COG3: variants seen among roughly 807,000 people sequenced by gnomAD.
COG3 encodes the protein conserved oligomeric Golgi complex subunit 3.
Under a neutral mutation model 114.1 loss-of-function variants are expected in COG3, and 32 were observed. The observed-to-expected ratio is 0.28, with a 90% CI of 0.21 to 0.38. The LOEUF is 0.38. Among genes scored for constraint, COG3 ranks in the 10% least tolerant of loss-of-function variants. The pLI is 1.00. For missense variants in COG3, 813 were observed against 973.2 expected (o/e 0.84, Z 2.19); for synonymous variants, 352 against 365.7 (o/e 0.96, Z 0.43).
chr13:45,483,334 C>T lies in COG3; in HGVS notation c.822C>T (p.Leu274=), dbSNP rs1251191782. ...ATACTGTGAACACACTACAGACCCT[C>T]ACAAGTCAGTTACTGAAAAGGGTGA... ...KTYTVNTLQT[L]TSQLLKRDPS... The change falls in exon 7 of 23, where the codon CTC becomes CTT. Residue 274 remains leucine (L), a synonymous_variant. Coordinates refer to ENST00000349995, the MANE Select transcript of COG3 (RefSeq NM_031431.4). 1.9e-6 allele frequency: 3 copies of T among 1,581,762 alleles called. No homozygotes were observed. The highest frequency in any genetic ancestry group is 2.6e-6 in the Non-Finnish European group (3 of 1,165,152).
chr13:45,482,976 T>TG (rs1202196830), intron 6 of COG3, among the ~76,000 whole-genome samples: 3 of 152,222 alleles, frequency 2.0e-5, no homozygotes, highest in Admixed American at 1.3e-4. Flanking sequence ...TTGAAGTCTG[T>TG]GGGGTGCTGA....
intron 15 of COG3, 126 bp from the exon 16 acceptor site, chr13:45,511,639 C>G (rs1046888874): frequency 1.5e-5 from 10 of 665,688 alleles, no homozygotes; most frequent in Non-Finnish European, 2.3e-5. Flanking sequence ...AAGAATAATA[C>G]AAGTAGTAAA....
rs1057473500 is a variant in COG3 at position 45,491,529 on chromosome 13, C to T, written c.1086C>T (p.His362=). ...TAACCAGCCAAAATAATAGAGATCA[C>T]TGTGCCTTGGTAAGTTTCTACTTGT... The part of the protein sequence containing the change: ...AELTSQNNRD[H]CALVRSGCAF... The change falls in exon 10 of 23, where the codon CAC becomes CAT. Residue 362 remains histidine (H), a synonymous_variant. Transcript: ENST00000349995. 1.2e-6 allele frequency: 2 copies of T among 1,610,516 alleles called. No individual in the cohort carries two copies. Among genetic ancestry groups the T allele is most frequent in the Non-Finnish European group, 8.5e-7 (1 of 1,178,802 alleles).
chr13:45,470,195 T>A (rs1885391556), intron 1 of COG3, among the ~76,000 whole-genome samples: 1 of 152,216 alleles, frequency 6.6e-6, no homozygotes, highest in Non-Finnish European at 1.5e-5. Flanking sequence ...TTATTTGGGT[T>A]TAAGGTATAC....
Position 45,514,317 on chromosome 13 carries a change from C to T in COG3, c.1810-1826C>T, listed in dbSNP as rs61232854. Among the ~76,000 whole-genome samples, 709 of 152,200 alleles carry T rather than the reference C, an allele frequency of 4.7e-3. 8 individuals are homozygous for T. Among genetic ancestry groups the T allele is most frequent in the African/African-American group, 0.016 (666 of 41,548 alleles). On this transcript the variant is annotated intron_variant, in intron 16 of 22. Transcript: ENST00000349995. ...CTGGGATTACAGGTGTGTGCCACCA[C>T]GCCCAGCTAATTTTTGCATTTGTAG...
In COG3 at chr13:45,469,677, C is replaced by T. The variant is rs76963565; in HGVS notation, c.174+4467C>T. Among the ~76,000 whole-genome samples, 470 of 152,010 alleles carry T rather than the reference C, an allele frequency of 3.1e-3. 3 individuals carry two copies. Among genetic ancestry groups the T allele is most frequent in the Non-Finnish European group, 5.3e-3 (359 of 67,978 alleles). The stretch of plus-strand genomic sequence containing the variant: ...ATATAGGACCTAAAATTGATGAATT[C>T]AAACACAAAGCAGTAAATATTTTTT... On this transcript the variant is annotated intron_variant, in intron 1 of 22. Coordinates refer to ENST00000349995, the MANE Select transcript of COG3 (RefSeq NM_031431.4).
intron 1 of COG3, among the ~76,000 whole-genome samples, chr13:45,475,280 C>T (rs913370008): frequency 2.2e-4 from 34 of 152,244 alleles, no homozygotes; most frequent in African/African-American, 8.2e-4. Flanking sequence ...TCACTGCAAC[C>T]TCCACCTCCT....
rs9567554 is a variant in COG3 at position 45,515,062 on chromosome 13, A to G, written c.1810-1081A>G. On this transcript the variant is annotated intron_variant, in intron 16 of 22. Coordinates refer to ENST00000349995, the MANE Select transcript of COG3 (RefSeq NM_031431.4). ...ACTTAAACTGAGCACCTGTCAACAA[A>G]TTAACATGATACTATTTGCTGGATT... is the stretch of plus-strand genomic sequence containing the variant. Among the ~76,000 whole-genome samples, 424 of 152,358 alleles carry G rather than the reference A, an allele frequency of 2.8e-3. 18 individuals carry two copies. In the East Asian group the frequency reaches 0.059, roughly 21 times the overall value.
intron 14 of COG3, among the ~76,000 whole-genome samples, chr13:45,507,595 T>C (rs549490803): frequency 6.6e-6 from 1 of 151,826 alleles, no homozygotes; most frequent in Admixed American, 6.6e-5. Flanking sequence ...CAAAACCCCA[T>C]CTCTACTAAA....
chr13:45,529,775 G>T lies in COG3; in HGVS notation c.2231-16G>T, dbSNP rs201698227. ...TCTTTTTCTTTATGACACTAATGAGGTTACTTTATTTCCAGCAAAGGTCAA... is the reference window on the plus strand; with the variant it reads ...TCTTTTTCTTTATGACACTAATGAGTTTACTTTATTTCCAGCAAAGGTCAA... On this transcript the variant is annotated splice_polypyrimidine_tract_variant and intron_variant, in intron 20 of 22. Transcript: ENST00000349995. 1.7e-4 allele frequency: 273 copies of T among 1,592,780 alleles called. 1 individual carries two copies. In the Middle Eastern group the frequency reaches 2.0e-3, roughly 12 times the overall value.
chr13:45,467,240 C>A (rs952312224), intron 1 of COG3, among the ~76,000 whole-genome samples: 3 of 152,176 alleles, frequency 2.0e-5, no homozygotes, highest in Non-Finnish European at 2.9e-5. Context: ...TTAATGAGTT[C>A]AAGAATTCAG....
chr13:45,494,161 C>T (rs1201205230), intron 12 of COG3, among the ~76,000 whole-genome samples: 2 of 151,954 alleles, frequency 1.3e-5, no homozygotes, highest in African/African-American at 4.8e-5. Context: ...CCCGTCTCTA[C>T]TAAAAATACA....
At chr13:45,511,916 A>G in intron 16 of COG3, 62 bp downstream of exon 16, 1 of 1,255,816 alleles carries the variant, frequency 8.0e-7, no homozygotes, top group South Asian at 1.2e-5. Context: ...TATAGCATTT[A>G]CTTATAGGCA....
chr13:45,534,190 C>T (rs575403541), intron 22 of COG3, among the ~76,000 whole-genome samples: 26 of 152,382 alleles, frequency 1.7e-4, no homozygotes, highest in South Asian at 1.7e-3. Flanking sequence ...ACTTAAAGGA[C>T]AGCTTACAAC....
intron 12 of COG3, among the ~76,000 whole-genome samples, chr13:45,494,558 T>G: frequency 6.6e-6 from 1 of 152,146 alleles, no homozygotes; most frequent in East Asian, 1.9e-4. Context: ...GGGGTCTCAC[T>G]CTTGTCATCC....
At chr13:45,518,921 C>T (rs1871822965) in intron 18 of COG3, 39 bp from the exon 19 acceptor site, 3 of 1,613,028 alleles carry the variant, frequency 1.9e-6, no homozygotes, top group Non-Finnish European at 2.5e-6. Context: ...GATTTCTAGG[C>T]ACATAAAAAC....
intron 14 of COG3, among the ~76,000 whole-genome samples, chr13:45,503,944 A>T (rs1323634762): frequency 2.6e-5 from 4 of 152,100 alleles, no homozygotes; most frequent in Middle Eastern, 3.2e-3. Flanking sequence ...GTAAAATACT[A>T]TTGACACAGT....
At chr13:45,485,151 G>A (rs1211825296) in intron 7 of COG3, among the ~76,000 whole-genome samples, 3 of 147,862 alleles carry the variant, frequency 2.0e-5, no homozygotes, top group Non-Finnish European at 3.0e-5. Context: ...CGGGCAGAGG[G>A]GCTCCTCACT....
In COG3 at chr13:45,535,975, C is replaced by A; in HGVS notation, c.*1244C>A. 1 of 609,768 alleles carries A rather than the reference C, an allele frequency of 1.6e-6. No homozygotes were observed. Among genetic ancestry groups the A allele is most frequent in the Non-Finnish European group, 2.1e-6 (1 of 485,130 alleles). 37.8% of individuals were successfully genotyped at this position (609,768 alleles called of 1,614,324 possible). A position where few individuals can be genotyped will look rare whatever the true frequency, so the allele number is the denominator to read the frequency against. On this transcript the variant is annotated 3_prime_UTR_variant, in exon 23 of 23. Transcript: ENST00000349995. ...GGGGACCTTTTGGTGCAGTGGGTGC[C>A]TGTAACTCATTAGACGTACTGAGGC...
Sources: gnomAD v4.1 joint callset for allele counts (sites outside exome capture counted in the v4.1 genomes callset) on GRCh38, gnomAD v4.1.1 for gene constraint, MANE v1.5 for transcripts, NCBI Gene and HGNC (gene_info 2026-07-23, HGNC 2026-07-21) for gene names.